Variants in OXR1 observed in about 807,000 individuals in gnomAD.
OXR1 encodes oxidation resistance 1, also known as oxidation resistance protein 1.
A neutral mutation model predicts 104.6 loss-of-function variants in OXR1; 41 were observed. The ratio of observed to expected loss-of-function variants is 0.39; its 90% confidence interval spans 0.31 to 0.51. The LOEUF (loss-of-function observed/expected upper bound fraction) is 0.51. Among genes scored for constraint, OXR1 ranks in the 20% least tolerant of loss-of-function variants. The probability of loss-of-function intolerance (pLI) is 0.77; values close to 1 mark genes in which losing one functional copy is unlikely to be tolerated. For synonymous variants in OXR1, 348 were observed against 348.4 expected (o/e 1.00, Z 0.01); for missense variants, 955 against 1,031.9 (o/e 0.93, Z 1.02).
chr8:106,364,166 G>A (rs769353787), intron 2 of OXR1, among the ~76,000 whole-genome samples: 1 of 151,988 alleles, frequency 6.6e-6, no homozygotes, highest in Non-Finnish European at 1.5e-5. Context: ...ATTTAGAAAT[G>A]GTGAATGATC....
intron 16 of OXR1, among the ~76,000 whole-genome samples, chr8:106,746,876 T>A (rs773269157): frequency 6.6e-6 from 1 of 152,140 alleles, no homozygotes; most frequent in Non-Finnish European, 1.5e-5. Flanking sequence ...CTCAATCTAG[T>A]GGCTTATAAT....
chr8:106,623,031 G>A (rs1030172238), intron 3 of OXR1, among the ~76,000 whole-genome samples: 20 of 152,142 alleles, frequency 1.3e-4, no homozygotes, highest in African/African-American at 4.3e-4. Flanking sequence ...AGTCAAACAA[G>A]CTAAGCAAGC....
intron 1 of OXR1, among the ~76,000 whole-genome samples, chr8:106,321,631 C>T (rs1814222160): frequency 6.6e-6 from 1 of 152,158 alleles, no homozygotes; most frequent in African/African-American, 2.4e-5. Flanking sequence ...GAGTGTAGCC[C>T]CTCCTTCGCA....
Position 106,291,930 on chromosome 8 carries a change from T to C in OXR1, c.-139+21563T>C, listed in dbSNP as rs1424225326. Among the ~76,000 whole-genome samples the C allele has an allele frequency of 5.3e-5, 8 of 152,170 alleles. No individual in the cohort carries two copies. The South Asian group carries it at 1.5e-3, about 28-fold the overall frequency. Reference sequence around the variant, plus strand: ...GGGAAAAACCCACCTCCATGATTCATTTACCCCCACCCCCCAACGGGTCCC... The same window carrying C: ...GGGAAAAACCCACCTCCATGATTCACTTACCCCCACCCCCCAACGGGTCCC... On this transcript the variant is annotated intron_variant, in intron 1 of 16. Transcript: ENST00000517566.
At chr8:106,579,368 G>A (rs145789456) in intron 3 of OXR1, among the ~76,000 whole-genome samples, 1 of 152,236 alleles carries the variant, frequency 6.6e-6, no homozygotes, top group Non-Finnish European at 1.5e-5. Context: ...CTGAGGCCCT[G>A]GATTAGCTCT....
At chr8:106,350,190 ATG>A (rs1278036339) in intron 1 of OXR1, among the ~76,000 whole-genome samples, 1 of 152,200 alleles carries the variant, frequency 6.6e-6, no homozygotes, top group East Asian at 1.9e-4. Context: ...TCAGGAGAAA[ATG>A]AGATCAACGC....
chr8:106,654,515 A>G (rs1285893847), intron 3 of OXR1, among the ~76,000 whole-genome samples: 1 of 152,152 alleles, frequency 6.6e-6, no homozygotes, highest in Non-Finnish European at 1.5e-5. Flanking sequence ...CCTCACATCA[A>G]ACCTGAAAAT....
intron 2 of OXR1, among the ~76,000 whole-genome samples, chr8:106,485,062 C>G (rs1810553314): frequency 7.8e-6 from 1 of 128,416 alleles, no homozygotes; most frequent in Non-Finnish European, 1.7e-5. Flanking sequence ...GCTAAAGAAG[C>G]CAATCTGAAA....
rs546737950 is a variant in OXR1 at position 106,707,125 on chromosome 8, C to G, written c.1604C>G (p.Ser535Cys). The G allele has an allele frequency of 9.9e-6, 16 of 1,613,390 alleles. No homozygotes were observed. The highest frequency in any genetic ancestry group is 1.3e-5 in the African/African-American group (1 of 74,916). ...SQKEAKHKIT[S>C]ADGHIESSAL... ...AAAGAAGCTAAGCATAAAATTACAT[C>G]TGCTGATGGACACATAGAAAGTAAG... is the stretch of plus-strand genomic sequence containing the variant. Residue 535 changes from serine to cysteine, a missense_variant, in exon 9 of 17, where the codon TCT becomes TGT. Coordinates refer to ENST00000517566, the MANE Select transcript of OXR1 (RefSeq NM_001198533.2).
intron 2 of OXR1, among the ~76,000 whole-genome samples, chr8:106,516,049 A>G (rs1366629898): frequency 2.0e-5 from 3 of 151,956 alleles, no homozygotes. Flanking sequence ...CCTCAGGACC[A>G]TCTTGTTTAA....
intron 1 of OXR1, among the ~76,000 whole-genome samples, chr8:106,348,325 C>T (rs1029825380): frequency 1.3e-5 from 2 of 152,226 alleles, no homozygotes; most frequent in Admixed American, 6.5e-5. Flanking sequence ...ACACCCCTAC[C>T]TATTTATATA....
intron 3 of OXR1, chr8:106,658,323 G>A (rs1045030559): frequency 9.6e-7 from 1 of 1,043,760 alleles, no homozygotes; most frequent in Non-Finnish European, 1.2e-6. Flanking sequence ...AACGTGGCCG[G>A]GGTGGCGGCC....
intron 1 of OXR1, among the ~76,000 whole-genome samples, chr8:106,320,915 A>T (rs1036347014): frequency 6.6e-6 from 1 of 151,942 alleles, no homozygotes; most frequent in South Asian, 2.1e-4. Flanking sequence ...CAAGTGATCC[A>T]CCTGCCTCGG....
At chr8:106,629,053 A>G (rs189266528) in intron 3 of OXR1, among the ~76,000 whole-genome samples, 2 of 152,302 alleles carry the variant, frequency 1.3e-5, no homozygotes, top group African/African-American at 4.8e-5. Flanking sequence ...GAGAGAATGA[A>G]GAAAAGACAA....
Position 106,737,531 on chromosome 8 carries a change from G to C in OXR1, c.1968G>C (p.Val656=). ...AAAREWEVVS[V]AEYHRRIDAL... ...GTCTCCATATTTAGGTAGTGTCAGTGGCTGAGTATCACCGCAGGATCGATG... is the reference window on the plus strand; with the variant it reads ...GTCTCCATATTTAGGTAGTGTCAGTCGCTGAGTATCACCGCAGGATCGATG... The change falls in exon 12 of 17, where the codon GTG becomes GTC. Residue 656 remains valine (V), a synonymous_variant. Coordinates refer to ENST00000517566, the MANE Select transcript of OXR1 (RefSeq NM_001198533.2). 1 of 1,319,276 alleles carries C rather than the reference G, an allele frequency of 7.6e-7. No homozygotes were observed. 81.7% of individuals were successfully genotyped at this position (1,319,276 alleles called of 1,614,324 possible).
At chr8:106,693,941 A>G (rs2131301211) in intron 7 of OXR1, among the ~76,000 whole-genome samples, 1 of 152,292 alleles carries the variant, frequency 6.6e-6, no homozygotes, top group South Asian at 2.1e-4. Flanking sequence ...GAAACACATA[A>G]TAAGCATTTA....
At chr8:106,584,567 C>T (rs528814202) in intron 3 of OXR1, among the ~76,000 whole-genome samples, 3 of 152,164 alleles carry the variant, frequency 2.0e-5, no homozygotes, top group African/African-American at 7.2e-5. Flanking sequence ...TATAGCAATA[C>T]TAGAAGCTAC....
At chr8:106,384,991 A>G (rs1246502007) in intron 2 of OXR1, among the ~76,000 whole-genome samples, 1 of 152,218 alleles carries the variant, frequency 6.6e-6, no homozygotes, top group Non-Finnish European at 1.5e-5. Flanking sequence ...CTGGGATTAC[A>G]GGCATGAGCC....
intron 2 of OXR1, among the ~76,000 whole-genome samples, chr8:106,443,427 C>T (rs1819878480): frequency 6.6e-6 from 1 of 152,086 alleles, no homozygotes; most frequent in South Asian, 2.1e-4. Context: ...ACTAAGTCTA[C>T]TTGATCCAGA....
Sources: gnomAD v4.1 joint callset for allele counts (sites outside exome capture counted in the v4.1 genomes callset) on GRCh38, gnomAD v4.1.1 for gene constraint, MANE v1.5 for transcripts, NCBI Gene and HGNC (gene_info 2026-07-23, HGNC 2026-07-21) for gene names.